Variants in KIAA1328 observed in about 807,000 individuals in gnomAD.
KIAA1328 encodes protein hinderin.
A neutral mutation model predicts 68.1 loss-of-function variants in KIAA1328; 52 were observed. The observed-to-expected ratio is 0.76, with a 90% confidence interval of 0.61 to 0.96. The LOEUF is 0.96. Among genes scored for constraint, KIAA1328 ranks in the 40% least tolerant of loss-of-function variants. The pLI is 0.00. For missense variants in KIAA1328, 641 were observed against 677.6 expected (o/e 0.95, Z 0.60); for synonymous variants, 232 against 239.4 (o/e 0.97, Z 0.28).
chr18:36,859,913 A>T (rs2047508071), intron 4 of KIAA1328, among the ~76,000 whole-genome samples: 3 of 141,010 alleles, frequency 2.1e-5, no homozygotes, highest in Non-Finnish European at 3.1e-5. Flanking sequence ...TAACTCATTG[A>T]TTTTCATTTC....
At chr18:37,198,627 C>T (rs1394749808) in intron 9 of KIAA1328, among the ~76,000 whole-genome samples, 1 of 152,148 alleles carries the variant, frequency 6.6e-6, no homozygotes, top group Non-Finnish European at 1.5e-5. Flanking sequence ...ATATGCATTA[C>T]TAAAAGGTTC....
intron 7 of KIAA1328, among the ~76,000 whole-genome samples, chr18:37,115,668 A>T (rs1405203490): frequency 6.6e-6 from 1 of 152,212 alleles, no homozygotes; most frequent in Non-Finnish European, 1.5e-5. Context: ...TGGCCTGGGC[A>T]ATCAGGCTGG....
chr18:37,113,211 T>C (rs2057989679), intron 7 of KIAA1328, among the ~76,000 whole-genome samples: 1 of 152,054 alleles, frequency 6.6e-6, no homozygotes, highest in South Asian at 2.1e-4. Context: ...AATTGTCAGA[T>C]TCACCAAAGT....
intron 6 of KIAA1328, among the ~76,000 whole-genome samples, chr18:37,046,713 A>C (rs2055484839): frequency 6.6e-6 from 1 of 152,218 alleles, no homozygotes; most frequent in Non-Finnish European, 1.5e-5. Flanking sequence ...AAATTGCATT[A>C]TTATCCGCAA....
At chr18:37,035,262 A>T (rs567868285) in intron 6 of KIAA1328, among the ~76,000 whole-genome samples, 2 of 152,310 alleles carry the variant, frequency 1.3e-5, no homozygotes, top group African/African-American at 4.8e-5. Context: ...TGGTTCTCAA[A>T]ATGTGTTCCC....
At chr18:37,227,672 C>A (rs1283354419), downstream of KIAA1328, among the ~76,000 whole-genome samples, 1 of 152,164 alleles carries the variant, frequency 6.6e-6, no homozygotes, top group Non-Finnish European at 1.5e-5. Flanking sequence ...AGATTTCTTT[C>A]AAAATATAAC....
intron 5 of KIAA1328, among the ~76,000 whole-genome samples, chr18:36,906,945 A>G (rs1234849371): frequency 6.6e-6 from 1 of 152,118 alleles, no homozygotes; most frequent in Non-Finnish European, 1.5e-5. Flanking sequence ...TTTGCAATTC[A>G]TGAATGTGGT....
chr18:36,882,857 G>T (rs2048368402), intron 4 of KIAA1328, among the ~76,000 whole-genome samples: 1 of 152,040 alleles, frequency 6.6e-6, no homozygotes, highest in Non-Finnish European at 1.5e-5. Flanking sequence ...CTGCTTTTCT[G>T]TTACTGTTTT....
intron 4 of KIAA1328, among the ~76,000 whole-genome samples, chr18:36,878,599 A>G (rs958765970): frequency 2.0e-5 from 3 of 152,122 alleles, no homozygotes; most frequent in African/African-American, 7.2e-5. Context: ...ATAATATCCT[A>G]AAGTATGTTT....
chr18:37,156,077 C>T (rs1173184018), intron 7 of KIAA1328, among the ~76,000 whole-genome samples: 9 of 151,936 alleles, frequency 5.9e-5, no homozygotes, highest in African/African-American at 1.2e-4. Flanking sequence ...TCTGTTTCCA[C>T]GTCTGTCTCC....
chr18:36,999,009 A>G (rs2053494828), intron 6 of KIAA1328, among the ~76,000 whole-genome samples: 2 of 152,246 alleles, frequency 1.3e-5, no homozygotes, highest in Non-Finnish European at 2.9e-5. Flanking sequence ...CAAGAGAAAC[A>G]TAAAAATCAT....
chr18:36,956,543 T>TGGGGGGGGG (rs112740428), intron 5 of KIAA1328, among the ~76,000 whole-genome samples: 2 of 137,220 alleles, frequency 1.5e-5, no homozygotes, highest in Middle Eastern at 3.7e-3. Flanking sequence ...AGGAAGGAAG[T>TGGGGGGGGG]GGGGGGGGGG....
chr18:36,883,061 A>G (rs1181340508), intron 4 of KIAA1328, among the ~76,000 whole-genome samples: 2 of 152,236 alleles, frequency 1.3e-5, no homozygotes, highest in Middle Eastern at 3.2e-3. Flanking sequence ...CTTTTAATAA[A>G]TAAATGAAAA....
At chr18:37,072,324 A>C (rs1412276389) in intron 7 of KIAA1328, among the ~76,000 whole-genome samples, 4 of 151,568 alleles carry the variant, frequency 2.6e-5, no homozygotes, top group Admixed American at 6.6e-5. Flanking sequence ...TCAGCACTTG[A>C]CAAATGTGGC....
At chr18:36,899,071 G>A (rs1057290559) in intron 5 of KIAA1328, among the ~76,000 whole-genome samples, 42 of 152,052 alleles carry the variant, frequency 2.8e-4, no homozygotes, top group African/African-American at 9.1e-4. Context: ...CTGTATCTCA[G>A]GAAGAAATAC....
At chr18:36,984,522 A>G in intron 6 of KIAA1328, among the ~76,000 whole-genome samples, 1 of 152,186 alleles carries the variant, frequency 6.6e-6, no homozygotes, top group East Asian at 1.9e-4. Context: ...ACTTCTATGT[A>G]TATGGAATAA....
chr18:37,022,851 A>T (rs2054400543), intron 6 of KIAA1328, among the ~76,000 whole-genome samples: 3 of 152,180 alleles, frequency 2.0e-5, no homozygotes, highest in Non-Finnish European at 4.4e-5. Context: ...AAAAATATTT[A>T]TGAAAATTTA....
intron 6 of KIAA1328, among the ~76,000 whole-genome samples, chr18:36,970,886 T>C (rs1210507517): frequency 6.6e-6 from 1 of 152,306 alleles, no homozygotes; most frequent in African/African-American, 2.4e-5. Context: ...CAAAGTAATT[T>C]GTTGACTCAA....
intron 6 of KIAA1328, among the ~76,000 whole-genome samples, chr18:37,061,930 T>A (rs1211657584): frequency 6.6e-6 from 1 of 152,172 alleles, no homozygotes; most frequent in Admixed American, 6.5e-5. Flanking sequence ...TATAGCTCTT[T>A]CCTTCAAAAT....
Sources: allele counts gnomAD v4.1 joint callset (sites outside exome capture counted in the v4.1 genomes callset), GRCh38; gene constraint gnomAD v4.1.1; transcripts MANE v1.5; gene names NCBI Gene and HGNC (gene_info 2026-07-23, HGNC 2026-07-21).